Variants in TTC21B observed in about 807,000 individuals in gnomAD.
TTC21B encodes tetratricopeptide repeat domain 21B, also known as tetratricopeptide repeat protein 21B.
Under a neutral mutation model 175.1 loss-of-function variants are expected in TTC21B, and 127 were observed. The ratio of observed to expected loss-of-function variants is 0.73; its 90% confidence interval spans 0.63 to 0.84. The LOEUF (loss-of-function observed/expected upper bound fraction) is 0.84, where lower values mean the gene tolerates loss of function less well. TTC21B is among the 40% of genes least tolerant of loss of function. The pLI is 0.00. For missense variants in TTC21B, 1,561 were observed against 1,558.3 expected (o/e 1.00, Z -0.03); for synonymous variants, 524 against 524.5 (o/e 1.00, Z 0.01).
At position 165,941,136 on chromosome 2, in the gene TTC21B, C is replaced by T. The variant is rs1432273; in HGVS notation, c.601G>A (p.Val201Met). Residue 201 changes from valine to methionine, a missense_variant, in exon 6 of 29, where the codon GTG (valine) becomes ATG (methionine). By Grantham distance (21) the Val-to-Met change is conservative. Coordinates refer to ENST00000243344, the MANE Select transcript of TTC21B (RefSeq NM_024753.5). ...RQNYSGALET[V>M]NQIIVNFPSF... is the part of the protein sequence containing the mutation. ...GGAAAATTCACGATTATCTGGTTCA[C>T]AGTCTCCAGGGCACCTGAATAATTC... 0.62 allele frequency: 1,007,253 copies of T among 1,613,424 alleles called. 316,920 individuals are homozygous for T. The highest frequency in any genetic ancestry group is 0.81 in the East Asian group (36,158 of 44,862).
chr2:165,884,140 G>A, intron 25 of TTC21B, 122 bp from the exon 26 acceptor site: 1 of 795,276 alleles, frequency 1.3e-6, no homozygotes, highest in Non-Finnish European at 2.1e-6. Context: ...CTCCATTACA[G>A]ATAACTGTGA....
chr2:165,936,918 T>C lies in TTC21B; in HGVS notation c.711-3861A>G, dbSNP rs554369030. Among the ~76,000 whole-genome samples the C allele has an allele frequency of 5.3e-5, 8 of 152,150 alleles. No homozygotes were observed. In the East Asian group the frequency reaches 1.5e-3, roughly 29 times the overall value. ...TTTCTTAGAAAACTAAATATACTCC[T>C]ACCATATGATTCAGGAATTATGTTC... On this transcript the variant is annotated intron_variant, in intron 6 of 28. Coordinates refer to ENST00000243344, the MANE Select transcript of TTC21B (RefSeq NM_024753.5).
At position 165,892,902 on chromosome 2, in the gene TTC21B, T is replaced by C. The variant is rs77853308; in HGVS notation, c.2951-1914A>G. Among the ~76,000 whole-genome samples the C allele has an allele frequency of 6.4e-3, 980 of 152,280 alleles. 9 individuals are homozygous for C. Among genetic ancestry groups the C allele is most frequent in the African/African-American group, 0.023 (938 of 41,548 alleles). ...ATATGTTTCACCACAATACAAAATA[T>C]TCTTTAAAAAAGACTTTTGGAAATA... On this transcript the variant is annotated intron_variant, in intron 22 of 28. Transcript: ENST00000243344.
intron 25 of TTC21B, among the ~76,000 whole-genome samples, chr2:165,884,806 A>C (rs1329672063): frequency 6.6e-6 from 1 of 152,220 alleles, no homozygotes; most frequent in East Asian, 1.9e-4. Flanking sequence ...AATAATGTGT[A>C]TGTTCCTGAT....
At chr2:165,938,410 G>T (rs12989784) in intron 6 of TTC21B, among the ~76,000 whole-genome samples, 38,566 of 151,872 alleles carry the variant, frequency 0.25, 5,520 homozygotes, top group Middle Eastern at 0.45. Context: ...TATTGAGCAT[G>T]AATAACTGCT....
intron 19 of TTC21B, among the ~76,000 whole-genome samples, chr2:165,907,010 C>G (rs1685763717): frequency 7.0e-6 from 1 of 142,654 alleles, no homozygotes; most frequent in African/African-American, 2.6e-5. Context: ...TTGTTGAACA[C>G]AGATGCAGAA....
chr2:165,943,027 C>T (rs1162468368), intron 5 of TTC21B, among the ~76,000 whole-genome samples, 192 bp downstream of exon 5: 3 of 152,178 alleles, frequency 2.0e-5, no homozygotes, highest in Non-Finnish European at 4.4e-5. Flanking sequence ...GATTCAGGAA[C>T]TCTGGCAGGG....
chr2:165,949,919 A>G, intron 1 of TTC21B, 195 bp from the exon 2 acceptor site: 1 of 521,068 alleles, frequency 1.9e-6, no homozygotes, highest in Non-Finnish European at 3.3e-6. Context: ...TCATAAAATT[A>G]CTGAAATAAT....
chr2:165,943,412 T>C (rs2105363539), intron 4 of TTC21B, 71 bp from the exon 5 acceptor site: 1 of 1,249,110 alleles, frequency 8.0e-7, no homozygotes, highest in Non-Finnish European at 1.1e-6. Context: ...AAGAGCCTAA[T>C]GTCATTTTTC....
chr2:165,894,304 G>C (rs1685290744), intron 22 of TTC21B, among the ~76,000 whole-genome samples: 1 of 152,200 alleles, frequency 6.6e-6, no homozygotes, highest in Non-Finnish European at 1.5e-5. Context: ...ATCTAGAAGA[G>C]GAATTTTTCA....
intron 25 of TTC21B, among the ~76,000 whole-genome samples, chr2:165,885,646 C>G (rs1205259262): frequency 2.0e-5 from 3 of 152,104 alleles, no homozygotes; most frequent in Non-Finnish European, 4.4e-5. Context: ...GAGGAGGGTC[C>G]TATGAAAAGG....
intron 19 of TTC21B, 39 bp from the exon 20 acceptor site, chr2:165,901,949 AG>A (rs1285504328): frequency 9.6e-6 from 14 of 1,459,446 alleles, no homozygotes; most frequent in Non-Finnish European, 1.3e-5. Context: ...AAAAAAAAAA[AG>A]GAAATTAAAT....
At chr2:165,930,728 TGG>T (rs1331522478) in intron 8 of TTC21B, among the ~76,000 whole-genome samples, 1,708 of 69,876 alleles carry the variant, frequency 0.024, 66 homozygotes, top group African/African-American at 0.06. Flanking sequence ...TACGTGGGTA[TGG>T]GGGTGTGTGT....
At chr2:165,895,361 C>T (rs1248052791) in intron 22 of TTC21B, among the ~76,000 whole-genome samples, 5 of 152,084 alleles carry the variant, frequency 3.3e-5, no homozygotes, top group African/African-American at 7.2e-5. Flanking sequence ...CAGAAACTTA[C>T]GTGAAACAAA....
intron 24 of TTC21B, 93 bp from the exon 25 acceptor site, chr2:165,888,567 C>A: frequency 1.0e-6 from 1 of 958,352 alleles, no homozygotes; most frequent in Non-Finnish European, 1.6e-6. Context: ...AAGCTCTGGG[C>A]ACTCTTTTAT....
intron 22 of TTC21B, among the ~76,000 whole-genome samples, chr2:165,892,754 T>A (rs747803458): frequency 1.3e-5 from 2 of 152,124 alleles, no homozygotes; most frequent in Non-Finnish European, 2.9e-5. Context: ...AGACTTCAGT[T>A]TGGAATGGCA....
At chr2:165,950,081 A>AC (rs1687714853) in intron 1 of TTC21B, among the ~76,000 whole-genome samples, 1 of 148,760 alleles carries the variant, frequency 6.7e-6, no homozygotes, top group Non-Finnish European at 1.5e-5. Flanking sequence ...AAAAAAAAAA[A>AC]AAAAAAGACA....
chr2:165,894,722 T>C (rs1052179567), intron 22 of TTC21B, among the ~76,000 whole-genome samples: 2 of 152,190 alleles, frequency 1.3e-5, no homozygotes, highest in African/African-American at 4.8e-5. Context: ...TTTACAGTCA[T>C]TCACTGATCC....
At chr2:165,895,204 G>A (rs1302719333) in intron 22 of TTC21B, among the ~76,000 whole-genome samples, 3 of 152,156 alleles carry the variant, frequency 2.0e-5, no homozygotes, top group Non-Finnish European at 4.4e-5. Flanking sequence ...AGACTTGGAA[G>A]CATGGTTGTA....
Sources: gnomAD v4.1 joint callset for allele counts (sites outside exome capture counted in the v4.1 genomes callset) on GRCh38, gnomAD v4.1.1 for gene constraint, MANE v1.5 for transcripts, NCBI Gene and HGNC (gene_info 2026-07-23, HGNC 2026-07-21) for gene names.